DOCK3: variants seen among roughly 807,000 people sequenced by gnomAD.
DOCK3 encodes the protein dedicator of cytokinesis protein 3.
Under a neutral mutation model 265.6 loss-of-function variants are expected in DOCK3, and 60 were observed. The ratio of observed to expected loss-of-function variants is 0.23; its 90% CI spans 0.18 to 0.28. The LOEUF is 0.28. Among genes scored for constraint, DOCK3 ranks in the 10% least tolerant of loss-of-function variants. DOCK3 has a pLI of 1.00. For synonymous variants in DOCK3, 881 were observed against 938.0 expected, an observed-to-expected ratio of 0.94 and a Z score of 1.11; for missense variants, 1,981 against 2,594.3, an observed-to-expected ratio of 0.76 and a Z score of 5.14.
chr3:51,053,826 T>A (rs144775975), intron 5 of DOCK3, among the ~76,000 whole-genome samples: 11 of 152,176 alleles, frequency 7.2e-5, no homozygotes, highest in Non-Finnish European at 1.6e-4. Context: ...ACCTTGTTTT[T>A]CTTAGGGTTA....
intron 1 of DOCK3, among the ~76,000 whole-genome samples, chr3:50,774,231 G>C (rs866081173): frequency 7.9e-5 from 12 of 152,030 alleles, no homozygotes; most frequent in South Asian, 4.1e-4. Context: ...ACACATTTCA[G>C]AATCAGTTTA....
At chr3:51,380,058 A>G in intron 51 of DOCK3, 67 bp from the exon 52 acceptor site, 2 of 1,497,578 alleles carry the variant, frequency 1.3e-6, no homozygotes, top group South Asian at 2.5e-5. Flanking sequence ...TTGGCCCAGC[A>G]AGATGGTGCT....
At chr3:50,857,930 G>A (rs956985278) in intron 3 of DOCK3, among the ~76,000 whole-genome samples, 6 of 152,150 alleles carry the variant, frequency 3.9e-5, no homozygotes, top group Admixed American at 2.0e-4. Context: ...ATTACTGGGT[G>A]TATACCCAAA....
chr3:50,991,806 C>T (rs1480642707), intron 5 of DOCK3, among the ~76,000 whole-genome samples: 1 of 152,094 alleles, frequency 6.6e-6, no homozygotes, highest in Non-Finnish European at 1.5e-5. Flanking sequence ...CTTATCGCCA[C>T]ATGACACATA....
chr3:50,963,024 TA>T (rs1319828008), intron 5 of DOCK3, among the ~76,000 whole-genome samples: 2 of 152,044 alleles, frequency 1.3e-5, no homozygotes, highest in Non-Finnish European at 2.9e-5. Context: ...CTGTCTCTAC[TA>T]AATATAAAAA....
At chr3:51,241,417 G>A (rs1386742567) in intron 21 of DOCK3, among the ~76,000 whole-genome samples, 1 of 152,162 alleles carries the variant, frequency 6.6e-6, no homozygotes, top group Non-Finnish European at 1.5e-5. Flanking sequence ...ATCTTCTTGT[G>A]AAGTATTTTA....
intron 9 of DOCK3, among the ~76,000 whole-genome samples, chr3:51,095,883 T>A (rs2082833591): frequency 1.9e-5 from 1 of 53,532 alleles, no homozygotes; most frequent in Non-Finnish European, 3.9e-5. Context: ...AAAAGAATGT[T>A]GACTATTGGC....
At chr3:51,262,710 T>G (rs2079926909) in intron 23 of DOCK3, among the ~76,000 whole-genome samples, 1 of 152,176 alleles carries the variant, frequency 6.6e-6, no homozygotes, top group South Asian at 2.1e-4. Flanking sequence ...ATAACCAGTT[T>G]AGAGAAGAAC....
intron 9 of DOCK3, among the ~76,000 whole-genome samples, chr3:51,094,273 A>G (rs2082741593): frequency 6.6e-6 from 1 of 152,100 alleles, no homozygotes; most frequent in Non-Finnish European, 1.5e-5. Context: ...TCTGTGGTAG[A>G]ATTCGGCTGT....
intron 21 of DOCK3, among the ~76,000 whole-genome samples, chr3:51,244,303 T>C (rs556073052): frequency 4.3e-4 from 65 of 152,264 alleles, no homozygotes; most frequent in African/African-American, 1.5e-3. Flanking sequence ...ATTTACATCT[T>C]TAATAACAAT....
intron 1 of DOCK3, among the ~76,000 whole-genome samples, chr3:50,747,310 T>C (rs2039509809): frequency 6.6e-6 from 1 of 152,246 alleles, no homozygotes; most frequent in Non-Finnish European, 1.5e-5. Flanking sequence ...CATCTGCATT[T>C]CCATATGAAT....
chr3:50,884,337 C>T (rs1008575900), intron 3 of DOCK3, among the ~76,000 whole-genome samples: 4 of 152,256 alleles, frequency 2.6e-5, no homozygotes, highest in African/African-American at 4.8e-5. Context: ...GTGATTTGCC[C>T]GCCTTGGCCT....
At chr3:51,052,831 G>C (rs2081043525) in intron 5 of DOCK3, among the ~76,000 whole-genome samples, 1 of 151,882 alleles carries the variant, frequency 6.6e-6, no homozygotes, top group South Asian at 2.1e-4. Flanking sequence ...ACTGTGGAAT[G>C]TGTTTCATTT....
chr3:51,158,407 A>G (rs893813156), intron 10 of DOCK3, among the ~76,000 whole-genome samples: 1 of 152,142 alleles, frequency 6.6e-6, no homozygotes, highest in Non-Finnish European at 1.5e-5. Context: ...ATAGCTGGGC[A>G]TGATGGTGCA....
At chr3:50,991,190 C>G (rs1463117259) in intron 5 of DOCK3, among the ~76,000 whole-genome samples, 2 of 152,172 alleles carry the variant, frequency 1.3e-5, no homozygotes, top group Non-Finnish European at 2.9e-5. Context: ...AGCACACAAA[C>G]AAGCCAACAT....
chr3:51,357,369 C>A (rs1156938662), intron 44 of DOCK3, among the ~76,000 whole-genome samples: 1 of 152,156 alleles, frequency 6.6e-6, no homozygotes, highest in African/African-American at 2.4e-5. Context: ...GATGGGTAAT[C>A]TGTAATCCTG....
At chr3:51,138,488 G>A (rs2084908083) in intron 9 of DOCK3, among the ~76,000 whole-genome samples, 1 of 152,168 alleles carries the variant, frequency 6.6e-6, no homozygotes, top group African/African-American at 2.4e-5. Context: ...GCTCAGGTTG[G>A]CACTGTGAGA....
intron 23 of DOCK3, among the ~76,000 whole-genome samples, chr3:51,266,742 A>T (rs889042090): frequency 6.6e-6 from 1 of 152,240 alleles, no homozygotes; most frequent in Non-Finnish European, 1.5e-5. Context: ...AAATCTAGGC[A>T]ATACCATTCA....
At chr3:51,009,682 T>C (rs1279655366) in intron 5 of DOCK3, among the ~76,000 whole-genome samples, 1 of 152,120 alleles carries the variant, frequency 6.6e-6, no homozygotes, top group Non-Finnish European at 1.5e-5. Context: ...TTTGCTCTTT[T>C]TTCTCTAGTT....
Sources: gnomAD v4.1 joint callset for allele counts (sites outside exome capture counted in the v4.1 genomes callset) on GRCh38, gnomAD v4.1.1 for gene constraint, MANE v1.5 for transcripts, NCBI Gene and HGNC (gene_info 2026-07-23, HGNC 2026-07-21) for gene names.